NPTX1: variants seen among roughly 807,000 people sequenced by gnomAD.
NPTX1 encodes neuronal pentraxin-1.
Under a neutral mutation model 38.7 loss-of-function variants are expected in NPTX1, and 12 were observed. The observed-to-expected ratio is 0.31, with a 90% CI of 0.20 to 0.50. The LOEUF is 0.50. Among genes scored for constraint, NPTX1 ranks in the 20% least tolerant of loss-of-function variants. The pLI, the probability that NPTX1 is intolerant of heterozygous loss-of-function variation, is 0.98. For synonymous variants in NPTX1, 272 were observed against 264.9 expected (o/e 1.03, Z -0.26); for missense variants, 454 against 592.2 (o/e 0.77, Z 2.42).
At chr17:80,473,164 C>CGCCCT (rs2083852225) in intron 3 of NPTX1, 36 bp downstream of exon 3, 1 of 1,600,170 alleles carries the variant, frequency 6.2e-7, no homozygotes, top group Admixed American at 1.7e-5. Flanking sequence ...CCTGGGGCCT[C>CGCCCT]GCCCTGCCGC....
rs4890028 is a variant in NPTX1, at chr17:80,475,460, G to A, written c.652+51C>T. 2.9e-5 allele frequency: 38 copies of A among 1,330,280 alleles called. No homozygotes were observed. Among genetic ancestry groups the A allele is most frequent in the Non-Finnish European group, 3.4e-5 (33 of 967,708 alleles). The allele number at this position is 1,330,280 out of a possible 1,614,324, so 82.4% of individuals were successfully genotyped here. A position where few individuals can be genotyped will look rare whatever the true frequency, so the allele number is the denominator to read the frequency against. ...TGTTAGGGATCGGGACCGAGGCAGG[G>A]TCGGGCAAGCAGGTGCAGGCAGGCA... On this transcript the variant is annotated intron_variant, in intron 2 of 4. Transcript: ENST00000306773. The surrounding 1 kb of genome is among the most constrained non-coding windows in gnomAD (Gnocchi z 6.5).
intron 4 of NPTX1, 145 bp from the exon 5 acceptor site, chr17:80,471,179 C>T: frequency 1.6e-6 from 1 of 638,132 alleles, no homozygotes. Flanking sequence ...TCTCCCTGTC[C>T]CTGACTCTCC....
chr17:80,476,080 G>C lies in NPTX1; in HGVS notation c.367C>G (p.Arg123Gly). 2 of 1,607,576 alleles carry C rather than the reference G, an allele frequency of 1.2e-6. No individual in the cohort carries two copies. Among genetic ancestry groups the C allele is most frequent in the Non-Finnish European group, 1.7e-6 (2 of 1,178,388 alleles). ...SGKNTMGDLS[R>G]TPAAETLSQL... ...CTGAGCGTCTCGGCGGCCGGTGTCCGGGACAGGTCGCCCATGGTGTTCTTG... is the reference window on the plus strand; with the variant it reads ...CTGAGCGTCTCGGCGGCCGGTGTCCCGGACAGGTCGCCCATGGTGTTCTTG... The change falls in exon 1 of 5, where the codon CGG becomes GGG. Residue 123 changes from arginine to glycine, a missense_variant. By Grantham distance (125) the Arg-to-Gly change is moderately radical. Around this residue, in one of 4 missense-constraint regions of NPTX1, gnomAD observed 288 missense variants for 318.4 expected, o/e 0.90. Coordinates refer to ENST00000306773, the MANE Select transcript of NPTX1 (RefSeq NM_002522.4). This position sits in a 1 kb window ranked among gnomAD's most constrained non-coding sequence, Gnocchi z 6.3.
rs1218234269 is a variant in NPTX1 at position 80,473,221 on chromosome 17, C to T, written c.876G>A (p.Met292Ile). ...LVLIEWGNNP[M>I]EILINDKVAK... Reference sequence around the variant, plus strand: ...CTACCTTGTCATTGATGAGGATCTCCATGGGGTTGTTGCCCCACTCAATGA... The same window carrying T: ...CTACCTTGTCATTGATGAGGATCTCTATGGGGTTGTTGCCCCACTCAATGA... Residue 292 changes from methionine (M) to isoleucine (I), a missense_variant, in exon 3 of 5, where the codon ATG (methionine) becomes ATA (isoleucine). Transcript: ENST00000306773. 6.2e-7 allele frequency: 1 copy of T among 1,613,474 alleles called. No homozygotes were observed. Among genetic ancestry groups the T allele is most frequent in the South Asian group, 1.1e-5 (1 of 91,086 alleles).
intron 2 of NPTX1, chr17:80,474,545 C>T (rs1203682120): frequency 1.3e-5 from 2 of 152,502 alleles, no homozygotes. Context: ...GGCAGGCCCC[C>T]TCAGTGCAGC....
At chr17:80,471,609 C>A (rs1049676696) in intron 4 of NPTX1, 123 bp downstream of exon 4, 18 of 1,448,726 alleles carry the variant, frequency 1.2e-5, no homozygotes, top group Non-Finnish European at 1.4e-5. Flanking sequence ...CCAGCCTGCT[C>A]CCCGGGCTGC....
Position 80,473,416 on chromosome 17 carries a change from C to T in NPTX1, c.681G>A (p.Lys227=), listed in dbSNP as rs745535103. 1.2e-6 allele frequency: 2 copies of T among 1,614,044 alleles called. No individual in the cohort carries two copies. Among genetic ancestry groups the T allele is most frequent in the Non-Finnish European group, 8.5e-7 (1 of 1,179,964 alleles). The change falls in exon 3 of 5, where the codon AAG becomes AAA. Residue 227 remains lysine (K), a synonymous_variant. Transcript: ENST00000306773. ...TCCGCAGTGGGAATGTGAGCTGGAA[C>T]TTGTCTCCAGGGCGGTTGTCTTTCT... is the stretch of plus-strand genomic sequence containing the variant. The part of the protein sequence containing the change: ...KGQKDNRPGD[K]FQLTFPLRTN...
In NPTX1 at chr17:80,476,153, T is replaced by C. The variant is rs552577121; in HGVS notation, c.294A>G (p.Gly98=). The C allele has an allele frequency of 3.6e-5, 57 of 1,593,832 alleles. 1 individual carries two copies. In the East Asian group the frequency reaches 1.2e-3, roughly 34 times the overall value. The change falls in exon 1 of 5, where the codon GGA becomes GGG. Residue 98 remains glycine, a synonymous_variant. Coordinates refer to ENST00000306773, the MANE Select transcript of NPTX1 (RefSeq NM_002522.4). This position sits in a 1 kb window ranked among gnomAD's most constrained non-coding sequence, Gnocchi z 6.3. ...RCESQSTLDP[G]AGEARAGGGR... is the part of the protein sequence containing the mutation. ...CGCCGCCCGCCCGGGCCTCGCCGGC[T>C]CCGGGGTCCAGCGTGCTCTGGCTCT...
In NPTX1 at chr17:80,468,253, G is replaced by C. The variant is rs1279750117; in HGVS notation, c.*2560C>G. 1.3e-5 allele frequency: 2 copies of C among 153,030 alleles called. No individual in the cohort carries two copies. Among genetic ancestry groups the C allele is most frequent in the Non-Finnish European group, 2.9e-5 (2 of 68,334 alleles). 9.5% of individuals were successfully genotyped at this position (153,030 alleles called of 1,614,324 possible). ...CAGGAGGGAGCTAAAGGTCAGCTTCGGCCCTGGCACCATGGGTGGGTCAGA... is the reference window on the plus strand; with the variant it reads ...CAGGAGGGAGCTAAAGGTCAGCTTCCGCCCTGGCACCATGGGTGGGTCAGA... On this transcript the variant is annotated 3_prime_UTR_variant, in exon 5 of 5. Transcript: ENST00000306773.
At position 80,468,927 on chromosome 17, in the gene NPTX1, C is replaced by CA. The variant is rs2083822108; in HGVS notation, c.*1885dup. On this transcript the variant is annotated 3_prime_UTR_variant, in exon 5 of 5. Transcript: ENST00000306773. ...CACAACCCGACGGGCGCTGAGGAAG[C>CA]ACGATTATCTAAGAAAAAGCCACTG... The CA allele has an allele frequency of 6.6e-6, 1 of 152,266 alleles. No individual in the cohort carries two copies. The highest frequency in any genetic ancestry group is 1.5e-5 in the Non-Finnish European group (1 of 68,056). The allele number at this position is 152,266 out of a possible 1,614,324, so 9.4% of individuals were successfully genotyped here.
chr17:80,476,226 C>T lies in NPTX1; in HGVS notation c.221G>A (p.Ser74Asn). The change falls in exon 1 of 5, where the codon AGC (serine) becomes AAC (asparagine). Residue 74 changes from serine (S) to asparagine (N), a missense_variant. Around this residue, in one of 4 missense-constraint regions of NPTX1, gnomAD observed 288 missense variants for 318.4 expected, o/e 0.90. Transcript: ENST00000306773. The surrounding 1 kb of genome is among the most constrained non-coding windows in gnomAD (Gnocchi z 6.3). ...CAGCTCGCGGATGGTCTCCTTCTGGCTCAGGATGGTCTCCTTCTGCTGCAG... is the reference window on the plus strand; with the variant it reads ...CAGCTCGCGGATGGTCTCCTTCTGGTTCAGGATGGTCTCCTTCTGCTGCAG... The part of the protein sequence containing the change: ...TVLQQKETIL[S>N]QKETIRELTA... The T allele has an allele frequency of 6.4e-7, 1 of 1,573,428 alleles. No homozygotes were observed. The highest frequency in any genetic ancestry group is 8.6e-7 in the Non-Finnish European group (1 of 1,166,810).
Position 80,470,678 on chromosome 17 carries a change from T to TGTGTGC in NPTX1, c.*129_*134dup, listed in dbSNP as rs376358807. 303 of 625,888 alleles carry TGTGTGC rather than the reference T, an allele frequency of 4.8e-4. No homozygotes were observed. The African/African-American group carries it at 5.1e-3, about 11-fold the overall frequency. 38.8% of individuals were successfully genotyped at this position (625,888 alleles called of 1,614,324 possible). On this transcript the variant is annotated 3_prime_UTR_variant, in exon 5 of 5. Transcript: ENST00000306773. ...CGTGTGCATGAGGACAAAACCAGGC[T>TGTGTGC]GTGTGCGTGTGCGTGTGCAGGGGCG...
chr17:80,475,948 G>A lies in NPTX1; in HGVS notation c.444+55C>T. 6 of 1,435,574 alleles carry A rather than the reference G, an allele frequency of 4.2e-6. No individual in the cohort carries two copies. The highest frequency in any genetic ancestry group is 5.8e-6 in the Non-Finnish European group (6 of 1,031,856). 88.9% of individuals were successfully genotyped at this position (1,435,574 alleles called of 1,614,324 possible). On this transcript the variant is annotated intron_variant, in intron 1 of 4. Transcript: ENST00000306773. The surrounding 1 kb of genome is among the most constrained non-coding windows in gnomAD (Gnocchi z 6.5). ...GCCGGGTAGGGAACGGGGTGGGGGA[G>A]GGCAGAGGGGCGAGCGAGCCGGAGG...
At position 80,470,688 on chromosome 17, in the gene NPTX1, T is replaced by TGCGTGTGCAGGGGCGACGGCCTCG. The variant is rs2083835732; in HGVS notation, c.*101_*124dup. The TGCGTGTGCAGGGGCGACGGCCTCG allele has an allele frequency of 1.5e-6, 1 of 662,432 alleles. No individual in the cohort carries two copies. The highest frequency in any genetic ancestry group is 2.6e-6 in the Non-Finnish European group (1 of 388,728). The allele number at this position is 662,432 out of a possible 1,614,324, so 41.0% of individuals were successfully genotyped here. On this transcript the variant is annotated 3_prime_UTR_variant, in exon 5 of 5. Transcript: ENST00000306773. ...AGGACAAAACCAGGCTGTGTGCGTG[T>TGCGTGTGCAGGGGCGACGGCCTCG]GCGTGTGCAGGGGCGACGGCCTCGG...
rs928232964 is a variant in NPTX1, at chr17:80,473,631, A to G, written c.653-187T>C. 4.9e-6 allele frequency: 3 copies of G among 614,942 alleles called. No homozygotes were observed. The African/African-American group carries it at 5.5e-5, about 11-fold the overall frequency. 38.1% of individuals were successfully genotyped at this position (614,942 alleles called of 1,614,324 possible). A position where few individuals can be genotyped will look rare whatever the true frequency, so the allele number is the denominator to read the frequency against. ...CCCAAGGCACAGGGCCAGTCTGTAA[A>G]GAGCTGACCCAAGCTCTTCATGCTC... On this transcript the variant is annotated intron_variant, in intron 2 of 4. Coordinates refer to ENST00000306773, the MANE Select transcript of NPTX1 (RefSeq NM_002522.4).
chr17:80,473,071 C>T (rs2083851431), intron 3 of NPTX1, 129 bp downstream of exon 3: 1 of 1,014,140 alleles, frequency 9.9e-7, no homozygotes, highest in Non-Finnish European at 1.4e-6. Context: ...CCCTCAGTCC[C>T]ACCTGGCAAA....
intron 3 of NPTX1, 90 bp downstream of exon 3, chr17:80,473,110 G>C: frequency 6.7e-7 from 1 of 1,489,720 alleles, no homozygotes; most frequent in South Asian, 1.3e-5. Context: ...ATCAACATCT[G>C]AGGCCACCAT....
Position 80,475,903 on chromosome 17 carries a change from G to A in NPTX1, c.444+100C>T. ...CCGGCCGGGCACCCGCGCGGCTGAG[G>A]CGAGGGCGGGGGATGCCTGGCCGGG... On this transcript the variant is annotated intron_variant, in intron 1 of 4. Transcript: ENST00000306773. This position sits in a 1 kb window ranked among gnomAD's most constrained non-coding sequence, Gnocchi z 6.5. The A allele has an allele frequency of 3.8e-6, 4 of 1,065,150 alleles. No individual in the cohort carries two copies. The highest frequency in any genetic ancestry group is 5.2e-6 in the Non-Finnish European group (4 of 768,178). The allele number at this position is 1,065,150 out of a possible 1,614,324, so 66.0% of individuals were successfully genotyped here.
Position 80,475,865 on chromosome 17 carries a change from G to T in NPTX1, c.444+138C>A. On this transcript the variant is annotated intron_variant, in intron 1 of 4. Coordinates refer to ENST00000306773, the MANE Select transcript of NPTX1 (RefSeq NM_002522.4). This position sits in a 1 kb window ranked among gnomAD's most constrained non-coding sequence, Gnocchi z 6.5. ...GAGTGGCCGCCGCGGGGCCTCGCAG[G>T]CGCGGGGAGGCACCGGCCGGGCACC... 1 of 839,702 alleles carries T rather than the reference G, an allele frequency of 1.2e-6. No individual in the cohort carries two copies. Among genetic ancestry groups the T allele is most frequent in the Non-Finnish European group, 1.7e-6 (1 of 594,350 alleles). The allele number at this position is 839,702 out of a possible 1,614,324, so 52.0% of individuals were successfully genotyped here.
Sources: gnomAD v4.1 joint callset for allele counts on GRCh38, gnomAD v4.1.1 for gene constraint, gnomAD v4.1.1 regional missense constraint, Gnocchi (gnomAD v3.1) non-coding constraint, MANE v1.5 for transcripts, NCBI Gene and HGNC (gene_info 2026-07-23, HGNC 2026-07-21) for gene names.